CDO1: variants seen among roughly 807,000 people sequenced by gnomAD.
CDO1 encodes the protein cysteine dioxygenase type 1, also known as cysteine dioxygenase, type I.
A neutral mutation model predicts 24.5 loss-of-function variants in CDO1; 19 were observed. That is an observed-to-expected ratio of 0.77 (90% confidence interval 0.54 to 1.14). CDO1 has a LOEUF of 1.14. Ranked by LOEUF, CDO1 falls within the 50% of genes most tolerant of loss-of-function variation. CDO1 has a pLI of 0.00. For missense variants in CDO1, 244 were observed against 244.8 expected, an observed-to-expected ratio of 1.00 and a Z score of 0.02; for synonymous variants, 91 against 87.0, an observed-to-expected ratio of 1.05 and a Z score of -0.26.
intron 3 of CDO1, among the ~76,000 whole-genome samples, chr5:115,806,952 G>A (rs1317702799): frequency 6.6e-6 from 1 of 152,204 alleles, no homozygotes; most frequent in Non-Finnish European, 1.5e-5. Context: ...GGTAAAGATA[G>A]GCTGTAGATA....
At chr5:115,807,743 A>T (rs1017537126) in intron 3 of CDO1, among the ~76,000 whole-genome samples, 5 of 151,508 alleles carry the variant, frequency 3.3e-5, no homozygotes, top group Non-Finnish European at 5.9e-5. Flanking sequence ...AAACAGAATT[A>T]AAAAAAAATT....
intron 3 of CDO1, 56 bp from the exon 4 acceptor site, chr5:115,806,574 G>A (rs1291466760): frequency 2.0e-5 from 27 of 1,334,418 alleles, no homozygotes; most frequent in East Asian, 4.7e-5. Flanking sequence ...ACAGCTGTAG[G>A]TAAAATCTCT....
At position 115,815,744 on chromosome 5, in the gene CDO1, G is replaced by C. The variant is rs868732938; in HGVS notation, c.170+484C>G. Among the ~76,000 whole-genome samples, 8 of 152,316 alleles carry C rather than the reference G, an allele frequency of 5.3e-5. No individual in the cohort carries two copies. The South Asian group carries it at 1.5e-3, about 28-fold the overall frequency. On this transcript the variant is annotated intron_variant, in intron 1 of 4. Coordinates refer to ENST00000250535, the MANE Select transcript of CDO1 (RefSeq NM_001801.3). ...CACACTTCTCCCGATGGCTGATGTA[G>C]TGCTCCCCTGGGAGCACCCTCTGCT...
intron 2 of CDO1, among the ~76,000 whole-genome samples, chr5:115,812,672 T>C (rs1302307571): frequency 1.3e-5 from 2 of 152,200 alleles, no homozygotes; most frequent in Non-Finnish European, 2.9e-5. Flanking sequence ...CTGGTTTTAA[T>C]ATGTGTAGTG....
intron 3 of CDO1, among the ~76,000 whole-genome samples, chr5:115,810,621 T>C (rs1760145336): frequency 6.6e-6 from 1 of 152,242 alleles, no homozygotes; most frequent in Admixed American, 6.5e-5. Flanking sequence ...TGGAAATTAA[T>C]CACTGCCTCT....
At chr5:115,810,339 GA>G (rs777743616) in intron 3 of CDO1, among the ~76,000 whole-genome samples, 1 of 152,000 alleles carries the variant, frequency 6.6e-6, no homozygotes, top group Admixed American at 6.6e-5. Context: ...GATTTATGGA[GA>G]AAAAAACTTG....
At position 115,816,559 on chromosome 5, in the gene CDO1, G is replaced by C; in HGVS notation, c.-162C>G. The C allele has an allele frequency of 1.3e-6, 1 of 764,832 alleles. No individual in the cohort carries two copies. Among genetic ancestry groups the C allele is most frequent in the South Asian group, 1.7e-5 (1 of 57,784 alleles). The allele number at this position is 764,832 out of a possible 1,614,324, so 47.4% of individuals were successfully genotyped here. The stretch of plus-strand genomic sequence containing the variant: ...TAGAGTGCCGAAACGTAAGGATGTC[G>C]TCGCAGAGACAGCAAGAGACCCACC... On this transcript the variant is annotated 5_prime_UTR_variant, in exon 1 of 5. Coordinates refer to ENST00000250535, the MANE Select transcript of CDO1 (RefSeq NM_001801.3).
chr5:115,805,316 G>C lies in CDO1; in HGVS notation c.*117C>G, dbSNP rs1036851494. ...TATAATTAGCATCTGCCTTACAGTA[G>C]ATCTAAGTATTGGCTTATTTAAGTA... On this transcript the variant is annotated 3_prime_UTR_variant, in exon 5 of 5. Coordinates refer to ENST00000250535, the MANE Select transcript of CDO1 (RefSeq NM_001801.3). 2 of 834,066 alleles carry C rather than the reference G, an allele frequency of 2.4e-6. No individual in the cohort carries two copies. The highest frequency in any genetic ancestry group is 4.9e-5 in the Admixed American group (2 of 40,750). The allele number at this position is 834,066 out of a possible 1,614,324, so 51.7% of individuals were successfully genotyped here. A position where few individuals can be genotyped will look rare whatever the true frequency, so the allele number is the denominator to read the frequency against.
At chr5:115,812,961 T>C (rs154757) in intron 2 of CDO1, among the ~76,000 whole-genome samples, 66,535 of 149,420 alleles carry the variant, frequency 0.45, 15,517 homozygotes, top group African/African-American at 0.59. Context: ...GCAGGAGAAT[T>C]GCTTGAACCC....
In CDO1 at chr5:115,816,359, A is replaced by C. The variant is rs1760447659; in HGVS notation, c.39T>G (p.Ala13=). ...GCTGGTGCAGGATGCGGATCAGATC[A>C]GCCAGGGTCCGTGGCTTCAGCACTT... The part of the protein sequence containing the change: ...QTEVLKPRTL[A]DLIRILHQLF... The change falls in exon 1 of 5, where the codon GCT becomes GCG. Residue 13 remains alanine (A), a synonymous_variant. Coordinates refer to ENST00000250535, the MANE Select transcript of CDO1 (RefSeq NM_001801.3). The C allele has an allele frequency of 6.2e-7, 1 of 1,613,882 alleles. No homozygotes were observed. The highest frequency in any genetic ancestry group is 8.5e-7 in the Non-Finnish European group (1 of 1,180,006).
Position 115,811,204 on chromosome 5 carries a change from C to T in CDO1, c.360G>A (p.Lys120=). The T allele has an allele frequency of 1.2e-6, 2 of 1,613,736 alleles. No homozygotes were observed. The highest frequency in any genetic ancestry group is 1.3e-5 in the African/African-American group (1 of 75,048). The change falls in exon 3 of 5, where the codon AAG becomes AAA. Residue 120 remains lysine (K), a synonymous_variant. Transcript: ENST00000250535. The stretch of plus-strand genomic sequence containing the variant: ...GGTTTTCCCTCAAGACTCTTTCAGA[C>T]TTCTTGACCATCTCATTGGATTTTT... ...PDKKSNEMVK[K]SERVLRENQC...
At chr5:115,810,523 C>T (rs1481823578) in intron 3 of CDO1, among the ~76,000 whole-genome samples, 1 of 152,132 alleles carries the variant, frequency 6.6e-6, no homozygotes, top group Non-Finnish European at 1.5e-5. Flanking sequence ...TTGGCAACCT[C>T]CTACGTAAAA....
At chr5:115,814,054 A>C (rs1760317398) in intron 1 of CDO1, 1 of 152,220 alleles carries the variant, frequency 6.6e-6, no homozygotes, top group Admixed American at 6.5e-5. Context: ...ACATTCATTT[A>C]GACTGTCATG....
rs1182689972 is a variant in CDO1, at chr5:115,805,345, T to G, written c.*88A>C. 19 of 1,118,550 alleles carry G rather than the reference T, an allele frequency of 1.7e-5. No individual in the cohort carries two copies. The highest frequency in any genetic ancestry group is 2.4e-5 in the Non-Finnish European group (18 of 745,472). The allele number at this position is 1,118,550 out of a possible 1,614,324, so 69.3% of individuals were successfully genotyped here. A position where few individuals can be genotyped will look rare whatever the true frequency, so the allele number is the denominator to read the frequency against. ...TAAGTATTGGCTTATTTAAGTATAT[T>G]ACTGGATAGCACGTGGTAGGTAGCC... On this transcript the variant is annotated 3_prime_UTR_variant, in exon 5 of 5. Coordinates refer to ENST00000250535, the MANE Select transcript of CDO1 (RefSeq NM_001801.3).
rs1760268655 is a variant in CDO1, at chr5:115,813,165, T to C, written c.248+16A>G. ...ACATGCTCTAATAAATATCTGTGAATGAATAGTTATTTTACCTGCCATGTC... is the reference window on the plus strand; with the variant it reads ...ACATGCTCTAATAAATATCTGTGAACGAATAGTTATTTTACCTGCCATGTC... On this transcript the variant is annotated intron_variant, in intron 2 of 4. Transcript: ENST00000250535. The C allele has an allele frequency of 3.5e-6, 5 of 1,446,132 alleles. No individual in the cohort carries two copies. Among genetic ancestry groups the C allele is most frequent in the African/African-American group, 1.4e-5 (1 of 71,468 alleles). The allele number at this position is 1,446,132 out of a possible 1,614,324, so 89.6% of individuals were successfully genotyped here. A position where few individuals can be genotyped will look rare whatever the true frequency, so the allele number is the denominator to read the frequency against.
At chr5:115,807,842 A>G (rs1580537152) in intron 3 of CDO1, among the ~76,000 whole-genome samples, 1 of 152,288 alleles carries the variant, frequency 6.6e-6, no homozygotes, top group East Asian at 1.9e-4. Context: ...ACAATGAATG[A>G]GTCATCAAAC....
intron 3 of CDO1, among the ~76,000 whole-genome samples, chr5:115,807,682 A>G (rs1760007042): frequency 6.6e-6 from 1 of 152,078 alleles, no homozygotes; most frequent in Non-Finnish European, 1.5e-5. Flanking sequence ...AAAGAGAAAA[A>G]AAAAAAAGAG....
At chr5:115,813,547 C>T (rs1195178266) in intron 1 of CDO1, among the ~76,000 whole-genome samples, 1 of 151,150 alleles carries the variant, frequency 6.6e-6, no homozygotes, top group Non-Finnish European at 1.5e-5. Context: ...GTGACAGCCT[C>T]AAACTGATGG....
chr5:115,816,651 C>G lies in CDO1; in HGVS notation c.-254G>C. 1 of 506,432 alleles carries G rather than the reference C, an allele frequency of 2.0e-6. No homozygotes were observed. Among genetic ancestry groups the G allele is most frequent in the Non-Finnish European group, 3.6e-6 (1 of 278,168 alleles). The allele number at this position is 506,432 out of a possible 1,614,324, so 31.4% of individuals were successfully genotyped here. On this transcript the variant is annotated 5_prime_UTR_variant, in exon 1 of 5. Coordinates refer to ENST00000250535, the MANE Select transcript of CDO1 (RefSeq NM_001801.3). ...ACGCGGTGCACACACAAATCAGGTTCAGATCTGTGGGGTTCATCCTCCCGG... is the reference window on the plus strand; with the variant it reads ...ACGCGGTGCACACACAAATCAGGTTGAGATCTGTGGGGTTCATCCTCCCGG...
Sources: allele counts gnomAD v4.1 joint callset (sites outside exome capture counted in the v4.1 genomes callset), GRCh38; gene constraint gnomAD v4.1.1; transcripts MANE v1.5; gene names NCBI Gene and HGNC (gene_info 2026-07-23, HGNC 2026-07-21).